Variants in RAD51B observed in about 807,000 individuals in gnomAD.
The protein encoded by RAD51B is RAD51 paralog B, also known as DNA repair protein RAD51 homolog 2.
A neutral mutation model predicts 42.2 loss-of-function variants in RAD51B; 38 were observed. The observed-to-expected ratio is 0.90, with a 90% CI of 0.70 to 1.18. The LOEUF is 1.18. Ranked by LOEUF, RAD51B falls within the 50% of genes most tolerant of loss-of-function variation. The pLI, the probability that RAD51B is intolerant of heterozygous loss-of-function variation, is 0.00. For missense variants in RAD51B, 373 were observed against 400.7 expected (o/e 0.93, Z 0.59); for synonymous variants, 154 against 145.2 (o/e 1.06, Z -0.43).
At chr14:67,848,530 T>C (rs2041699261) in intron 4 of RAD51B, among the ~76,000 whole-genome samples, 1 of 152,180 alleles carries the variant, frequency 6.6e-6, no homozygotes, top group Non-Finnish European at 1.5e-5. Context: ...TGTCTTTTTT[T>C]TTCTAGCTTA....
At chr14:68,459,378 C>G (rs1415958202) in intron 9 of RAD51B, among the ~76,000 whole-genome samples, 1 of 152,150 alleles carries the variant, frequency 6.6e-6, no homozygotes, top group African/African-American at 2.4e-5. Context: ...GAGGAAAACC[C>G]TGGCATGAAG....
At chr14:68,551,800 T>G (rs1888586808) in intron 10 of RAD51B, among the ~76,000 whole-genome samples, 1 of 152,232 alleles carries the variant, frequency 6.6e-6, no homozygotes, top group African/African-American at 2.4e-5. Flanking sequence ...AGATGCATCT[T>G]CAGCACAAAC....
At chr14:68,066,198 G>A (rs1233354431) in intron 7 of RAD51B, among the ~76,000 whole-genome samples, 1 of 151,910 alleles carries the variant, frequency 6.6e-6, no homozygotes, top group African/African-American at 2.4e-5. Flanking sequence ...CACTTACGTT[G>A]TAATAGTAAT....
chr14:68,251,182 C>A (rs1415726475), intron 7 of RAD51B, among the ~76,000 whole-genome samples: 1 of 151,366 alleles, frequency 6.6e-6, no homozygotes, highest in Non-Finnish European at 1.5e-5. Flanking sequence ...TCTTCTGTTG[C>A]ACCTTTCAAG....
chr14:68,056,966 A>G (rs1302636218), intron 7 of RAD51B, among the ~76,000 whole-genome samples: 4 of 151,248 alleles, frequency 2.6e-5, no homozygotes, highest in Non-Finnish European at 4.4e-5. Context: ...GCAGATGCCT[A>G]TAATCCCAGC....
chr14:68,326,715 A>T (rs1347823879), intron 8 of RAD51B, among the ~76,000 whole-genome samples: 1 of 152,220 alleles, frequency 6.6e-6, no homozygotes, highest in Non-Finnish European at 1.5e-5. Flanking sequence ...TCTATAACCT[A>T]ATTACATTTT....
chr14:68,224,085 A>G (rs2079986329), intron 7 of RAD51B, among the ~76,000 whole-genome samples: 1 of 152,236 alleles, frequency 6.6e-6, no homozygotes, highest in Admixed American at 6.5e-5. Flanking sequence ...AGAATGAAGA[A>G]AAAATGGTGA....
chr14:68,014,205 T>C (rs1293362860), intron 7 of RAD51B, among the ~76,000 whole-genome samples: 2 of 151,762 alleles, frequency 1.3e-5, no homozygotes, highest in Admixed American at 6.6e-5. Flanking sequence ...CTTTCTTTTT[T>C]TTTTTTTTTC....
chr14:68,350,099 C>T (rs1047223977), intron 8 of RAD51B, among the ~76,000 whole-genome samples: 3 of 152,178 alleles, frequency 2.0e-5, no homozygotes, highest in Non-Finnish European at 2.9e-5. Context: ...CATTGGAAAT[C>T]TCTCTGTGCA....
chr14:68,651,289 C>T (rs1274740198), intron 11 of RAD51B, among the ~76,000 whole-genome samples: 1 of 152,214 alleles, frequency 6.6e-6, no homozygotes, highest in Admixed American at 6.5e-5. Flanking sequence ...CCTCACACCT[C>T]AACCTCCCAA....
rs553357884 is a variant in RAD51B, at chr14:67,938,348, C to T, written c.756+51144C>T. 3.3e-5 allele frequency among the ~76,000 whole-genome samples: 5 copies of T among 152,292 alleles called. No individual in the cohort carries two copies. In the South Asian group the frequency reaches 1.0e-3, roughly 32 times the overall value. ...GATAATCTTGTGCATTGAGCAGAAT[C>T]AAGAGATGAGTCAGGAAAGTTTTCT... On this transcript the variant is annotated intron_variant, in intron 7 of 10. Coordinates refer to ENST00000471583, the MANE Select transcript of RAD51B (RefSeq NM_133510.4).
chr14:68,006,967 G>A (rs2075602038), intron 7 of RAD51B, among the ~76,000 whole-genome samples: 1 of 152,112 alleles, frequency 6.6e-6, no homozygotes, highest in African/African-American at 2.4e-5. Flanking sequence ...ATCACTACCA[G>A]TATATAACTC....
chr14:68,404,264 T>A (rs570646501), intron 8 of RAD51B, among the ~76,000 whole-genome samples: 3 of 152,310 alleles, frequency 2.0e-5, no homozygotes, highest in South Asian at 4.1e-4. Flanking sequence ...AATATCACAA[T>A]CATCAAAAAG....
At chr14:68,269,348 C>T (rs1334486493) in intron 7 of RAD51B, among the ~76,000 whole-genome samples, 1 of 152,244 alleles carries the variant, frequency 6.6e-6, no homozygotes, top group Non-Finnish European at 1.5e-5. Context: ...CTGCCTGACT[C>T]AGCCCTGCCC....
Position 68,381,518 on chromosome 14 carries a change from AC to A in RAD51B, c.854-29905del, listed in dbSNP as rs1226051165. ...GTGAAACCCCGTCTCTACTAAAAAT[AC>A]AAAAAAATTAACCAGGCATGGTGGC... On this transcript the variant is annotated intron_variant, in intron 8 of 10. Transcript: ENST00000471583. Among the ~76,000 whole-genome samples, 5 of 152,222 alleles carry A rather than the reference AC, an allele frequency of 3.3e-5. No homozygotes were observed. The East Asian group carries it at 7.7e-4, about 24-fold the overall frequency.
intron 7 of RAD51B, among the ~76,000 whole-genome samples, chr14:67,968,472 A>T (rs1249119541): frequency 6.6e-6 from 1 of 152,154 alleles, no homozygotes; most frequent in Non-Finnish European, 1.5e-5. Context: ...CACCCAAGTC[A>T]CCTTTTGAAT....
chr14:68,681,685 C>T (rs1324273632), intron 11 of RAD51B, among the ~76,000 whole-genome samples: 1 of 152,196 alleles, frequency 6.6e-6, no homozygotes, highest in Non-Finnish European at 1.5e-5. Flanking sequence ...GCCTCCCAAA[C>T]ACCTGTGTAA....
At chr14:68,641,623 T>C (rs926540383) in intron 10 of RAD51B, among the ~76,000 whole-genome samples, 1 of 135,114 alleles carries the variant, frequency 7.4e-6, no homozygotes, top group Non-Finnish European at 1.7e-5. Context: ...TTCCCCTGTA[T>C]TTCTAGTTTA....
At chr14:68,592,525 G>A (rs1296918895) in intron 10 of RAD51B, among the ~76,000 whole-genome samples, 1 of 152,130 alleles carries the variant, frequency 6.6e-6, no homozygotes, top group Non-Finnish European at 1.5e-5. Context: ...GAGAAAGCGA[G>A]CATGGAAAAA....
Sources: gnomAD v4.1 joint callset for allele counts (sites outside exome capture counted in the v4.1 genomes callset) on GRCh38, gnomAD v4.1.1 for gene constraint, MANE v1.5 for transcripts, NCBI Gene and HGNC (gene_info 2026-07-23, HGNC 2026-07-21) for gene names.